The following SGCZ variants were observed in gnomAD, a reference collection of about 807,000 sequenced individuals.
SGCZ encodes the protein sarcoglycan zeta, also known as zeta-sarcoglycan.
SGCZ carries 40 observed loss-of-function variants against 41.3 expected under a neutral mutation model. The observed-to-expected ratio is 0.97, with a 90% CI of 0.75 to 1.26. SGCZ has a LOEUF of 1.26. Among genes scored for constraint, SGCZ ranks in the 50% most tolerant of loss-of-function variants. The pLI, the probability that SGCZ is intolerant of heterozygous loss-of-function variation, is 0.00. For missense variants in SGCZ, 552 were observed against 369.8 expected, an observed-to-expected ratio of 1.49 and a Z score of -4.04; for synonymous variants, 206 against 137.5, an observed-to-expected ratio of 1.50 and a Z score of -3.49.
intron 1 of SGCZ, among the ~76,000 whole-genome samples, chr8:15,125,485 T>C (rs571783448): frequency 3.9e-5 from 6 of 152,296 alleles, no homozygotes; most frequent in Non-Finnish European, 7.4e-5. Context: ...TCTCTGATCC[T>C]TCCAAAGAGA....
chr8:14,448,809 C>T (rs1585528550), intron 2 of SGCZ, among the ~76,000 whole-genome samples: 1 of 152,260 alleles, frequency 6.6e-6, no homozygotes, highest in East Asian at 1.9e-4. Context: ...TCTTTCTGGC[C>T]TCTGACTCTT....
intron 3 of SGCZ, chr8:14,309,432 T>C: frequency 1.2e-6 from 2 of 1,606,592 alleles, no homozygotes; most frequent in Non-Finnish European, 1.7e-6. Flanking sequence ...CTGTGCCTTA[T>C]TGGACAATCT....
At chr8:14,102,101 TATA>T (rs1415150662) in intron 7 of SGCZ, among the ~76,000 whole-genome samples, 9 of 41,832 alleles carry the variant, frequency 2.2e-4, no homozygotes, top group East Asian at 3.2e-3. Flanking sequence ...TATATATATA[TATA>T]ATTTTTTTTT....
chr8:14,308,182 T>G (rs1301292984), intron 3 of SGCZ, among the ~76,000 whole-genome samples: 1 of 152,078 alleles, frequency 6.6e-6, no homozygotes, highest in African/African-American at 2.4e-5. Context: ...TATAGAACAT[T>G]ACAAGAGGAG....
At chr8:14,819,013 T>G (rs184766479) in intron 1 of SGCZ, among the ~76,000 whole-genome samples, 56 of 152,178 alleles carry the variant, frequency 3.7e-4, no homozygotes, top group African/African-American at 1.3e-3. Flanking sequence ...AAACATTCTA[T>G]GTATTGGGAT....
At chr8:14,563,533 A>T (rs988730529) in intron 1 of SGCZ, among the ~76,000 whole-genome samples, 2 of 152,230 alleles carry the variant, frequency 1.3e-5, no homozygotes, top group Non-Finnish European at 2.9e-5. Flanking sequence ...ATTTTCTGTA[A>T]GGCAGAAATA....
intron 4 of SGCZ, among the ~76,000 whole-genome samples, chr8:14,204,574 GGGT>G (rs1805559747): frequency 6.6e-6 from 1 of 152,096 alleles, no homozygotes; most frequent in African/African-American, 2.4e-5. Context: ...CATTATTTCT[GGGT>G]GTGTCTGTTA....
At chr8:14,390,033 A>T (rs1012802431) in intron 2 of SGCZ, among the ~76,000 whole-genome samples, 1 of 152,026 alleles carries the variant, frequency 6.6e-6, no homozygotes, top group Non-Finnish European at 1.5e-5. Flanking sequence ...AGAAAAAAAC[A>T]AAATGAGTTA....
chr8:15,121,940 A>G (rs374266811), intron 1 of SGCZ, among the ~76,000 whole-genome samples: 1 of 151,426 alleles, frequency 6.6e-6, no homozygotes, highest in African/African-American at 2.4e-5. Flanking sequence ...CATTTTGGAG[A>G]GCCTTTCAAA....
chr8:14,400,434 T>C (rs772191607), intron 2 of SGCZ, among the ~76,000 whole-genome samples: 5 of 152,128 alleles, frequency 3.3e-5, no homozygotes, highest in African/African-American at 9.7e-5. Flanking sequence ...TAAAGAATAA[T>C]ACATATATAA....
intron 1 of SGCZ, among the ~76,000 whole-genome samples, chr8:15,079,103 C>A (rs867781351): frequency 1.3e-5 from 2 of 152,090 alleles, no homozygotes; most frequent in South Asian, 4.2e-4. Flanking sequence ...TCTAAAAGAT[C>A]CGTAACTTTT....
chr8:14,561,334 A>C (rs1585081235), intron 1 of SGCZ, among the ~76,000 whole-genome samples: 1 of 152,186 alleles, frequency 6.6e-6, no homozygotes, highest in Non-Finnish European at 1.5e-5. Flanking sequence ...CTACCAAACA[A>C]TGCTGCAATT....
chr8:14,320,161 T>A (rs1334708688), intron 3 of SGCZ, among the ~76,000 whole-genome samples: 2 of 151,840 alleles, frequency 1.3e-5, no homozygotes, highest in Non-Finnish European at 2.9e-5. Flanking sequence ...CTTTAAAACT[T>A]GACTAAAGTG....
chr8:14,193,678 G>C lies in SGCZ; in HGVS notation c.425-28976C>G, dbSNP rs76903601. ...CACAAGTTTATGTCTAACAATAGCT[G>C]AGTATATTCTGAAATAGCATAAAGA... is the stretch of plus-strand genomic sequence containing the variant. On this transcript the variant is annotated intron_variant, in intron 4 of 7. Coordinates refer to ENST00000382080, the MANE Select transcript of SGCZ (RefSeq NM_139167.4). 7.7e-3 allele frequency among the ~76,000 whole-genome samples: 1,171 copies of C among 151,722 alleles called. 10 individuals carry two copies. The highest frequency in any genetic ancestry group is 0.012 in the Non-Finnish European group (842 of 67,626).
intron 1 of SGCZ, among the ~76,000 whole-genome samples, chr8:14,885,747 T>C (rs530788686): frequency 6.6e-6 from 1 of 152,094 alleles, no homozygotes; most frequent in South Asian, 2.1e-4. Context: ...AGGGTTATTT[T>C]GTTTGTTTTA....
At chr8:14,522,202 A>G (rs1242599519) in intron 2 of SGCZ, among the ~76,000 whole-genome samples, 2 of 151,968 alleles carry the variant, frequency 1.3e-5, no homozygotes, top group Non-Finnish European at 2.9e-5. Context: ...TCTATATTCT[A>G]TAAGGGATAT....
Position 14,233,895 on chromosome 8 carries a change from T to C in SGCZ, c.424+3697A>G, listed in dbSNP as rs1425272868. Among the ~76,000 whole-genome samples, 3 of 151,960 alleles carry C rather than the reference T, an allele frequency of 2.0e-5. No homozygotes were observed. In the South Asian group the frequency reaches 6.2e-4, roughly 31 times the overall value. On this transcript the variant is annotated intron_variant, in intron 4 of 7. Coordinates refer to ENST00000382080, the MANE Select transcript of SGCZ (RefSeq NM_139167.4). ...GTTCTTGCTTTTTCTTCAAGGAGTC[T>C]GACCTCTTGGGATGTTGTACTTTCT... is the stretch of plus-strand genomic sequence containing the variant.
intron 1 of SGCZ, among the ~76,000 whole-genome samples, chr8:14,668,943 TG>T (rs1808006369): frequency 6.6e-6 from 1 of 151,976 alleles, no homozygotes; most frequent in African/African-American, 2.4e-5. Flanking sequence ...TGTATGTGTG[TG>T]TGTGTTTGTG....
At chr8:15,025,472 AG>A (rs1803420836) in intron 1 of SGCZ, among the ~76,000 whole-genome samples, 1 of 152,214 alleles carries the variant, frequency 6.6e-6, no homozygotes, top group Non-Finnish European at 1.5e-5. Flanking sequence ...TTGCTAGCTG[AG>A]AGGTAGAGAG....
Sources: allele counts gnomAD v4.1 joint callset (sites outside exome capture counted in the v4.1 genomes callset), GRCh38; gene constraint gnomAD v4.1.1; transcripts MANE v1.5; gene names NCBI Gene and HGNC (gene_info 2026-07-23, HGNC 2026-07-21).